Variants in CDH12 observed in about 807,000 individuals in gnomAD.
CDH12 encodes cadherin 12.
In CDH12, 41 loss-of-function variants were observed where a neutral mutation model predicts 74.1. The observed-to-expected ratio is 0.55, with a 90% CI of 0.43 to 0.72. CDH12 has a LOEUF of 0.72. Ranked by LOEUF, CDH12 falls within the 30% of genes least tolerant of loss-of-function variation. CDH12 has a pLI of 0.00. For synonymous variants in CDH12, 399 were observed against 355.0 expected (o/e 1.12, Z -1.39); for missense variants, 945 against 977.2 (o/e 0.97, Z 0.44).
chr5:21,939,071 T>C (rs1014992542), intron 6 of CDH12, among the ~76,000 whole-genome samples: 5 of 151,496 alleles, frequency 3.3e-5, no homozygotes, highest in Non-Finnish European at 7.4e-5. Flanking sequence ...AAGTACAACA[T>C]ACACATGTTA....
At chr5:22,846,034 A>C (rs1737286066) in intron 1 of CDH12, among the ~76,000 whole-genome samples, 1 of 152,120 alleles carries the variant, frequency 6.6e-6, no homozygotes, top group Non-Finnish European at 1.5e-5. Context: ...TTGAAGACAT[A>C]TTTAGAGAAG....
chr5:22,681,564 A>G (rs911570459), intron 1 of CDH12, among the ~76,000 whole-genome samples: 2 of 152,198 alleles, frequency 1.3e-5, no homozygotes, highest in Non-Finnish European at 2.9e-5. Context: ...GATGCTGCAT[A>G]TTAAACTATA....
intron 1 of CDH12, among the ~76,000 whole-genome samples, chr5:22,695,969 C>G (rs1713950087): frequency 1.3e-5 from 2 of 152,110 alleles, no homozygotes; most frequent in East Asian, 3.9e-4. Context: ...ACAATCTTAA[C>G]CAACACTGGT....
At chr5:22,811,108 T>C (rs1455070200) in intron 1 of CDH12, among the ~76,000 whole-genome samples, 2 of 151,768 alleles carry the variant, frequency 1.3e-5, no homozygotes, top group African/African-American at 4.8e-5. Flanking sequence ...TACATATGTA[T>C]ATATACATAT....
chr5:22,090,329 C>T (rs1293988400), intron 4 of CDH12, among the ~76,000 whole-genome samples: 3 of 150,460 alleles, frequency 2.0e-5, no homozygotes, highest in South Asian at 2.1e-4. Context: ...ATAATATTAC[C>T]TCAAAGGTTT....
chr5:22,271,297 C>T (rs149383038), intron 3 of CDH12, among the ~76,000 whole-genome samples: 76 of 152,248 alleles, frequency 5.0e-4, no homozygotes, highest in Admixed American at 1.5e-3. Context: ...GAAGCAATTC[C>T]TATTTATTAA....
intron 2 of CDH12, among the ~76,000 whole-genome samples, chr5:22,497,638 CTTTTTTT>C (rs747466944): frequency 1.2e-5 from 1 of 83,250 alleles, no homozygotes; most frequent in East Asian, 4.3e-4. Context: ...TGTCGAATCT[CTTTTTTT>C]TTTTTTTTTT....
rs547965126 is a variant in CDH12 at position 22,594,478 on chromosome 5, C to T, written c.-522-89114G>A. On this transcript the variant is annotated intron_variant, in intron 1 of 14. Transcript: ENST00000382254. ...GAACATAGTAGCAAACGCCCTACAC[C>T]GACCTCCCTATATCCTTCCTTTGCT... Among the ~76,000 whole-genome samples the T allele has an allele frequency of 3.9e-5, 6 of 152,214 alleles. No individual in the cohort carries two copies. In the South Asian group the frequency reaches 1.0e-3, roughly 26 times the overall value.
intron 1 of CDH12, among the ~76,000 whole-genome samples, chr5:22,632,936 A>G (rs1317876572): frequency 6.6e-6 from 1 of 152,104 alleles, no homozygotes; most frequent in Non-Finnish European, 1.5e-5. Context: ...AAAAAAAAAG[A>G]ACAAAAACAA....
intron 5 of CDH12, among the ~76,000 whole-genome samples, chr5:22,055,243 C>A (rs757653469): frequency 6.6e-6 from 1 of 152,120 alleles, no homozygotes; most frequent in African/African-American, 2.4e-5. Flanking sequence ...GCAAAGAAGA[C>A]TTTTTCATGA....
intron 3 of CDH12, among the ~76,000 whole-genome samples, chr5:22,374,757 G>C (rs772082480): frequency 2.1e-4 from 32 of 151,416 alleles, no homozygotes; most frequent in Non-Finnish European, 1.5e-4. Flanking sequence ...CAAAGGGAGT[G>C]AAAGATTTCT....
chr5:22,006,492 G>C (rs1330674643), intron 5 of CDH12, among the ~76,000 whole-genome samples: 3 of 151,762 alleles, frequency 2.0e-5, no homozygotes, highest in Admixed American at 1.3e-4. Flanking sequence ...GTCTATAAAT[G>C]TGTAAATAAC....
At chr5:22,705,996 C>G (rs1476986968) in intron 1 of CDH12, among the ~76,000 whole-genome samples, 2 of 152,036 alleles carry the variant, frequency 1.3e-5, no homozygotes, top group Non-Finnish European at 2.9e-5. Context: ...CATGATATGA[C>G]ATATGTTATT....
chr5:22,477,788 T>A (rs1477147145), intron 2 of CDH12, among the ~76,000 whole-genome samples: 1 of 152,128 alleles, frequency 6.6e-6, no homozygotes, highest in Admixed American at 6.5e-5. Flanking sequence ...TAAGGACGCT[T>A]AGGATTCCAA....
chr5:22,150,686 G>A (rs1747515863), intron 4 of CDH12, among the ~76,000 whole-genome samples: 1 of 152,264 alleles, frequency 6.6e-6, no homozygotes, highest in African/African-American at 2.4e-5. Context: ...GGAATCAGAT[G>A]TTTTTGTTAA....
chr5:21,790,828 G>A (rs1482880517), intron 10 of CDH12, among the ~76,000 whole-genome samples: 3 of 151,718 alleles, frequency 2.0e-5, no homozygotes, highest in Non-Finnish European at 4.4e-5. Flanking sequence ...GCATCAAGTC[G>A]TGGCACACAT....
intron 8 of CDH12, among the ~76,000 whole-genome samples, chr5:21,838,174 T>C (rs1749645709): frequency 6.6e-6 from 1 of 152,204 alleles, no homozygotes; most frequent in South Asian, 2.1e-4. Flanking sequence ...TTAACAGTAA[T>C]ATGTGGAAAA....
At chr5:21,976,483 CATATAT>C (rs1419675153) in intron 5 of CDH12, among the ~76,000 whole-genome samples, 1 of 150,260 alleles carries the variant, frequency 6.7e-6, no homozygotes, top group South Asian at 2.1e-4. Context: ...AATAGTGCAT[CATATAT>C]AATTTTCTAG....
At chr5:22,311,421 T>C (rs989881393) in intron 3 of CDH12, among the ~76,000 whole-genome samples, 1 of 152,006 alleles carries the variant, frequency 6.6e-6, no homozygotes, top group African/African-American at 2.4e-5. Context: ...TAAACAATTG[T>C]GGGCCGGGCG....
Sources: allele counts gnomAD v4.1 joint callset (sites outside exome capture counted in the v4.1 genomes callset), GRCh38; gene constraint gnomAD v4.1.1; transcripts MANE v1.5; gene names NCBI Gene and HGNC (gene_info 2026-07-23, HGNC 2026-07-21).